SPECC1: variants seen among roughly 807,000 people sequenced by gnomAD.
SPECC1 encodes sperm antigen with calponin homology and coiled-coil domains 1.
In SPECC1, 62 loss-of-function variants were observed where a neutral mutation model predicts 104.1. The ratio of observed to expected loss-of-function variants is 0.60; its 90% CI spans 0.49 to 0.74. SPECC1 has a LOEUF of 0.74. Among genes scored for constraint, SPECC1 ranks in the 30% least tolerant of loss-of-function variants. SPECC1 has a pLI of 0.00. For synonymous variants in SPECC1, 513 were observed against 501.6 expected (o/e 1.02, Z -0.30); for missense variants, 1,306 against 1,310.5 (o/e 1.00, Z 0.05).
chr17:20,030,813 C>T (rs1033330770), intron 1 of SPECC1, among the ~76,000 whole-genome samples: 1 of 152,082 alleles, frequency 6.6e-6, no homozygotes, highest in Non-Finnish European at 1.5e-5. Context: ...CTTTATTTCA[C>T]CTTCATTTCC....
intron 1 of SPECC1, among the ~76,000 whole-genome samples, chr17:20,035,681 G>C (rs886232586): frequency 2.6e-5 from 4 of 151,868 alleles, no homozygotes; most frequent in Admixed American, 6.6e-5. Context: ...CTATTCACAG[G>C]CACAATCATT....
At chr17:20,226,109 A>G (rs968744883) in intron 4 of SPECC1, among the ~76,000 whole-genome samples, 3 of 152,192 alleles carry the variant, frequency 2.0e-5, no homozygotes, top group Non-Finnish European at 4.4e-5. Context: ...CCCCACCCCC[A>G]GCGCCAGATT....
At chr17:20,264,141 C>T (rs751011165) in intron 12 of SPECC1, among the ~76,000 whole-genome samples, 3 of 152,058 alleles carry the variant, frequency 2.0e-5, no homozygotes, top group African/African-American at 2.4e-5. Context: ...TTTTGAAAAC[C>T]GGGAACCATG....
intron 3 of SPECC1, among the ~76,000 whole-genome samples, chr17:20,181,239 G>A (rs2034863411): frequency 6.6e-6 from 1 of 151,980 alleles, no homozygotes; most frequent in Non-Finnish European, 1.5e-5. Flanking sequence ...GAAAATATAA[G>A]AGCGAAATAT....
chr17:20,023,937 G>A (rs1046837504), intron 1 of SPECC1, among the ~76,000 whole-genome samples: 11 of 152,160 alleles, frequency 7.2e-5, no homozygotes, highest in East Asian at 1.9e-4. Flanking sequence ...GTATAAGCCC[G>A]TAGATGTAAA....
chr17:20,091,761 T>C (rs2047411186), intron 1 of SPECC1, among the ~76,000 whole-genome samples: 1 of 152,226 alleles, frequency 6.6e-6, no homozygotes, highest in Non-Finnish European at 1.5e-5. Context: ...GTTTGGCCTC[T>C]TCCGCTTCCC....
At chr17:20,059,105 G>A (rs2046084275) in intron 1 of SPECC1, among the ~76,000 whole-genome samples, 1 of 151,934 alleles carries the variant, frequency 6.6e-6, no homozygotes, top group African/African-American at 2.4e-5. Flanking sequence ...CTCCCGAAGT[G>A]CTGGGATTAC....
At chr17:20,042,056 G>C (rs1295216674) in intron 1 of SPECC1, among the ~76,000 whole-genome samples, 1 of 152,146 alleles carries the variant, frequency 6.6e-6, no homozygotes, top group Non-Finnish European at 1.5e-5. Context: ...TGGTATAAAT[G>C]ATCCTCAATG....
chr17:20,273,138 T>A (rs571720572), intron 12 of SPECC1, among the ~76,000 whole-genome samples: 1 of 152,278 alleles, frequency 6.6e-6, no homozygotes, highest in East Asian at 1.9e-4. Flanking sequence ...CCTTCTAGTC[T>A]CCTGCTGGAG....
At chr17:20,017,293 G>A (rs1402353720) in intron 1 of SPECC1, 2 of 152,332 alleles carry the variant, frequency 1.3e-5, no homozygotes, top group African/African-American at 2.4e-5. Flanking sequence ...CACTCCTGAA[G>A]CTAGCGAGAC....
At position 20,139,726 on chromosome 17, in the gene SPECC1, G is replaced by A. The variant is rs374221049; in HGVS notation, c.283+29164G>A. ...TCTCGCTCTTGTCTCCCAGGCTAGG[G>A]TGCAATTGCGCAATCTCGGCTCACT... On this transcript the variant is annotated intron_variant, in intron 3 of 14. Coordinates refer to ENST00000395527, the MANE Select transcript of SPECC1 (RefSeq NM_001243439.2). 3.9e-5 allele frequency among the ~76,000 whole-genome samples: 6 copies of A among 152,170 alleles called. No homozygotes were observed. In the East Asian group the frequency reaches 7.7e-4, roughly 20 times the overall value.
rs2046042125 is a variant in SPECC1 at position 20,058,234 on chromosome 17, C to T, written c.-21-38397C>T. 2.0e-5 allele frequency among the ~76,000 whole-genome samples: 3 copies of T among 152,114 alleles called. No individual in the cohort carries two copies. In the East Asian group the frequency reaches 5.8e-4, roughly 29 times the overall value. ...AAATATCCTTGCGAGCACCTTTCTCCTTAGTATCACATGTATTTCAGTATG... is the reference window on the plus strand; with the variant it reads ...AAATATCCTTGCGAGCACCTTTCTCTTTAGTATCACATGTATTTCAGTATG... On this transcript the variant is annotated intron_variant, in intron 1 of 14. Transcript: ENST00000395527.
Position 20,152,404 on chromosome 17 carries a change from G to A in SPECC1, c.283+41842G>A, listed in dbSNP as rs76266419. On this transcript the variant is annotated intron_variant, in intron 3 of 14. Transcript: ENST00000395527. The stretch of plus-strand genomic sequence containing the variant: ...AGATGTGCAGGCAGACCAAAGGGGG[G>A]TGATAACAGAGCAAGAATTTAAAAG... Among the ~76,000 whole-genome samples the A allele has an allele frequency of 2.9e-3, 447 of 152,334 alleles. 18 individuals are homozygous for A. The East Asian group carries it at 0.083, about 28-fold the overall frequency.
At chr17:20,072,231 C>T (rs955537364) in intron 1 of SPECC1, among the ~76,000 whole-genome samples, 2 of 152,210 alleles carry the variant, frequency 1.3e-5, no homozygotes, top group South Asian at 4.1e-4. Flanking sequence ...CAAAACCATT[C>T]CTGATGACAT....
intron 12 of SPECC1, among the ~76,000 whole-genome samples, chr17:20,276,386 G>T (rs749507578): frequency 3.3e-5 from 5 of 152,188 alleles, no homozygotes; most frequent in Admixed American, 2.6e-4. Context: ...TCCCCACTTA[G>T]CTGGGATTAC....
At chr17:20,078,260 A>G (rs1212782833) in intron 1 of SPECC1, among the ~76,000 whole-genome samples, 1 of 151,654 alleles carries the variant, frequency 6.6e-6, no homozygotes, top group Admixed American at 6.6e-5. Flanking sequence ...TTGAAAGACA[A>G]GCGTGTGGCT....
At chr17:20,013,490 T>C (rs2044010498) in intron 1 of SPECC1, among the ~76,000 whole-genome samples, 1 of 152,220 alleles carries the variant, frequency 6.6e-6, no homozygotes, top group Non-Finnish European at 1.5e-5. Context: ...ATTCCTGTCA[T>C]CTTATTTTAT....
intron 4 of SPECC1, among the ~76,000 whole-genome samples, chr17:20,221,247 C>G (rs767084878): frequency 1.3e-5 from 2 of 152,072 alleles, no homozygotes; most frequent in Non-Finnish European, 2.9e-5. Context: ...TGGTATTTTT[C>G]TTTAAATGTT....
At chr17:20,152,349 C>G (rs2032083743) in intron 3 of SPECC1, among the ~76,000 whole-genome samples, 1 of 152,068 alleles carries the variant, frequency 6.6e-6, no homozygotes, top group Admixed American at 6.6e-5. Flanking sequence ...ACAGAAGTAC[C>G]ATGAGGGAGA....
Sources: allele counts gnomAD v4.1 joint callset (sites outside exome capture counted in the v4.1 genomes callset), GRCh38; gene constraint gnomAD v4.1.1; transcripts MANE v1.5; gene names NCBI Gene and HGNC (gene_info 2026-07-23, HGNC 2026-07-21).